Variants in TRIB3 observed in about 807,000 individuals in gnomAD.
TRIB3 encodes tribbles homolog 3.
TRIB3 carries 20 observed loss-of-function variants against 16.6 expected under a neutral mutation model. That is an observed-to-expected ratio of 1.20 (90% CI 0.85 to 1.75). The LOEUF (loss-of-function observed/expected upper bound fraction) is 1.75. Ranked by LOEUF, TRIB3 falls within the 40% of genes most tolerant of loss-of-function variation. The pLI is 0.00. For missense variants in TRIB3, 484 were observed against 488.9 expected (o/e 0.99, Z 0.10); for synonymous variants, 208 against 217.0 (o/e 0.96, Z 0.36).
In TRIB3 at chr20:380,978, G is replaced by GAGTAGCTCCGGTTTGCATCAC. The variant is rs1475836304; in HGVS notation, c.-192_-191insAGTAGCTCCGGTTTGCATCAC. 1 of 150,488 alleles carries GAGTAGCTCCGGTTTGCATCAC rather than the reference G, an allele frequency of 6.6e-6. No individual in the cohort carries two copies. The highest frequency in any genetic ancestry group is 1.5e-5 in the Non-Finnish European group (1 of 67,498). 9.3% of individuals were successfully genotyped at this position (150,488 alleles called of 1,614,324 possible). ...CCGGTTTGCATCACCCGGACCGGGG[G>GAGTAGCTCCGGTTTGCATCAC]CCGGGCGCGCACGAGACTCGCAGCG... On this transcript the variant is annotated 5_prime_UTR_variant, in exon 1 of 4. Coordinates refer to ENST00000217233, the MANE Select transcript of TRIB3 (RefSeq NM_021158.5).
At chr20:384,228 T>C (rs1237794414) in intron 1 of TRIB3, among the ~76,000 whole-genome samples, 1 of 152,180 alleles carries the variant, frequency 6.6e-6, no homozygotes, top group Non-Finnish European at 1.5e-5. Flanking sequence ...AGCATGATGT[T>C]CCCCTGCTGA....
chr20:389,902 T>G (rs1390919189), intron 2 of TRIB3, among the ~76,000 whole-genome samples: 3 of 152,226 alleles, frequency 2.0e-5, no homozygotes, highest in Non-Finnish European at 2.9e-5. Context: ...ACTTATTCAT[T>G]AATTCAACAC....
chr20:388,035 C>A lies in TRIB3; in HGVS notation c.25C>A (p.Pro9Thr), dbSNP rs756979282. ...GATGCGAGCCACCCCTCTGGCTGCTCCTGCGGGTTCCCTGTCCAGGAAGAA... is the reference window on the plus strand; with the variant it reads ...GATGCGAGCCACCCCTCTGGCTGCTACTGCGGGTTCCCTGTCCAGGAAGAA... MRATPLAA[P>T]AGSLSRKKRL... The change falls in exon 2 of 4, where the codon CCT (proline) becomes ACT (threonine). Residue 9 changes from proline to threonine, a missense_variant. Physicochemically the swap from Pro to Thr is conservative, Grantham distance 38. Coordinates refer to ENST00000217233, the MANE Select transcript of TRIB3 (RefSeq NM_021158.5). 1.9e-6 allele frequency: 3 copies of A among 1,613,902 alleles called. No individual in the cohort carries two copies.
At position 391,464 on chromosome 20, in the gene TRIB3, C is replaced by A. The variant is rs1224178031; in HGVS notation, c.469C>A (p.Pro157Thr). Residue 157 changes from proline to threonine, a missense_variant, in exon 3 of 4, where the codon CCT (proline) becomes ACT (threonine). Coordinates refer to ENST00000217233, the MANE Select transcript of TRIB3 (RefSeq NM_021158.5). The stretch of plus-strand genomic sequence containing the variant: ...GCGAAGCCGCCACCGTATCCCTGAG[C>A]CTGAGGCTGCCGTGCTCTTCCGCCA... ...LVRSRHRIPE[P>T]EAAVLFRQMA... 3.1e-6 allele frequency: 5 copies of A among 1,613,922 alleles called. No individual in the cohort carries two copies. Among genetic ancestry groups the A allele is most frequent in the Admixed American group, 3.3e-5 (2 of 60,022 alleles).
At chr20:392,025 A>G (rs2014994923) in intron 3 of TRIB3, among the ~76,000 whole-genome samples, 1 of 151,942 alleles carries the variant, frequency 6.6e-6, no homozygotes, top group Non-Finnish European at 1.5e-5. Context: ...CCATCTCAAA[A>G]AAAAAAAAAA....
At chr20:394,243 C>G (rs1025495390) in intron 3 of TRIB3, among the ~76,000 whole-genome samples, 3 of 152,096 alleles carry the variant, frequency 2.0e-5, no homozygotes, top group Non-Finnish European at 4.4e-5. Context: ...GTTGGCCAGG[C>G]TGGTCTCGAA....
intron 1 of TRIB3, among the ~76,000 whole-genome samples, chr20:383,160 G>T (rs2014708765): frequency 6.6e-6 from 1 of 152,136 alleles, no homozygotes; most frequent in African/African-American, 2.4e-5. Flanking sequence ...CTGCGTGAAT[G>T]GTGGCTTTCC....
chr20:396,373 A>G lies in TRIB3; in HGVS notation c.760A>G (p.Met254Val), dbSNP rs748102304. ...GAGCCTGGGCGTGGCGCTCTTCACCATGCTGGCCGGCCACTACCCCTTCCA... is the reference window on the plus strand; with the variant it reads ...GAGCCTGGGCGTGGCGCTCTTCACCGTGCTGGCCGGCCACTACCCCTTCCA... The part of the protein sequence containing the change: ...VWSLGVALFT[M>V]LAGHYPFQDS... Residue 254 changes from methionine to valine, a missense_variant, in exon 4 of 4, where the codon ATG becomes GTG. Coordinates refer to ENST00000217233, the MANE Select transcript of TRIB3 (RefSeq NM_021158.5). The G allele has an allele frequency of 3.1e-6, 5 of 1,613,476 alleles. No homozygotes were observed. The East Asian group carries it at 8.9e-5, about 29-fold the overall frequency.
intron 3 of TRIB3, among the ~76,000 whole-genome samples, chr20:392,314 T>C (rs575622906): frequency 6.6e-6 from 1 of 152,230 alleles, no homozygotes; most frequent in East Asian, 1.9e-4. Flanking sequence ...CTTAATTCAA[T>C]CTGAGCTTGA....
intron 1 of TRIB3, among the ~76,000 whole-genome samples, chr20:386,703 G>C (rs559821420): frequency 5.9e-5 from 9 of 152,262 alleles, no homozygotes; most frequent in Admixed American, 2.6e-4. Context: ...CTCCCAAGTA[G>C]CTGGGATTAC....
chr20:387,186 A>G (rs745693327), intron 1 of TRIB3, among the ~76,000 whole-genome samples: 1 of 152,124 alleles, frequency 6.6e-6, no homozygotes, highest in Non-Finnish European at 1.5e-5. Flanking sequence ...AGCCTAGGCA[A>G]TGTAGGGAGA....
rs375609488 is a variant in TRIB3 at position 396,490 on chromosome 20, C to T, written c.877C>T (p.Arg293Cys). The change falls in exon 4 of 4, where the codon CGC becomes TGC. Residue 293 changes from arginine to cysteine, a missense_variant. By Grantham distance (180) the Arg-to-Cys change is radical (BLOSUM62 -3). Coordinates refer to ENST00000217233, the MANE Select transcript of TRIB3 (RefSeq NM_021158.5). ...GLSAPARCLVRCLLRREPAER... is the reference protein window; with the variant it reads ...GLSAPARCLVCCLLRREPAER... ...CTCGGCCCCTGCCCGCTGTCTGGTT[C>T]GCTGCCTCCTTCGTCGGGAGCCAGC... 3.3e-5 allele frequency: 53 copies of T among 1,612,894 alleles called. No homozygotes were observed. The African/African-American group carries it at 4.3e-4, about 13-fold the overall frequency.
At chr20:383,758 T>A (rs1398346758) in intron 1 of TRIB3, among the ~76,000 whole-genome samples, 1 of 152,146 alleles carries the variant, frequency 6.6e-6, no homozygotes, top group Non-Finnish European at 1.5e-5. Context: ...ATTTTGATAT[T>A]GTCAAAATGC....
In TRIB3 at chr20:391,366, C is replaced by T. The variant is rs2122692681; in HGVS notation, c.371C>T (p.Thr124Ile). The change falls in exon 3 of 4, where the codon ACT (threonine) becomes ATT (isoleucine). Residue 124 changes from threonine to isoleucine, a missense_variant. Thr to Ile is a moderately conservative substitution (Grantham distance 89). Coordinates refer to ENST00000217233, the MANE Select transcript of TRIB3 (RefSeq NM_021158.5). ...CCGCACAAGCATGTGGCTCGGCCCA[C>T]TGAGGTCCTGGCTGGTACCCAGCTC... ...LPPHKHVARPTEVLAGTQLLY... is the reference protein window; with the variant it reads ...LPPHKHVARPIEVLAGTQLLY... The T allele has an allele frequency of 1.2e-6, 2 of 1,613,508 alleles. No individual in the cohort carries two copies. The highest frequency in any genetic ancestry group is 1.7e-6 in the Non-Finnish European group (2 of 1,180,020).
In TRIB3 at chr20:391,335, C is replaced by G; in HGVS notation, c.340C>G (p.Leu114Val). 9.3e-6 allele frequency: 15 copies of G among 1,613,358 alleles called. No individual in the cohort carries two copies. Among genetic ancestry groups the G allele is most frequent in the Non-Finnish European group, 1.3e-5 (15 of 1,180,012 alleles). Residue 114 changes from leucine to valine, a missense_variant, in exon 3 of 4, where the codon CTG (leucine) becomes GTG (valine). Transcript: ENST00000217233. The stretch of plus-strand genomic sequence containing the variant: ...GGCCGTGCTGGAGCCCTATGCGCGG[C>G]TGCCCCCGCACAAGCATGTGGCTCG... ...ALAVLEPYAR[L>V]PPHKHVARPT...
chr20:392,509 C>T (rs1367953186), intron 3 of TRIB3, among the ~76,000 whole-genome samples: 1 of 152,080 alleles, frequency 6.6e-6, no homozygotes, highest in Admixed American at 6.6e-5. Context: ...TGAGAATTAG[C>T]ACTTTTTGGT....
intron 1 of TRIB3, among the ~76,000 whole-genome samples, chr20:383,520 G>A (rs1360968624): frequency 6.6e-6 from 1 of 152,178 alleles, no homozygotes; most frequent in African/African-American, 2.4e-5. Context: ...ATGGCTCACT[G>A]AAGCCTTTAC....
chr20:394,811 G>A (rs2015081981), intron 3 of TRIB3, among the ~76,000 whole-genome samples: 1 of 150,612 alleles, frequency 6.6e-6, no homozygotes, highest in Non-Finnish European at 1.5e-5. Context: ...AAAAAAAAAA[G>A]AAAAATCACA....
Position 388,227 on chromosome 20 carries a change from C to A in TRIB3, c.217C>A (p.Leu73Ile), listed in dbSNP as rs1474478967. 1 of 1,613,844 alleles carries A rather than the reference C, an allele frequency of 6.2e-7. No individual in the cohort carries two copies. The highest frequency in any genetic ancestry group is 1.1e-5 in the South Asian group (1 of 91,088). ...ATASRLGPYV[L>I]LEPEEGGRAY... is the part of the protein sequence containing the mutation. ...TGCCTCCCGTCTTGGGCCCTATGTC[C>A]TCCTGGAGCCCGAGGAGGGCGGGCG... Residue 73 changes from leucine to isoleucine, a missense_variant, in exon 2 of 4, where the codon CTC becomes ATC. Leu to Ile is a conservative substitution (Grantham distance 5). Transcript: ENST00000217233.
Sources: allele counts gnomAD v4.1 joint callset (sites outside exome capture counted in the v4.1 genomes callset), GRCh38; gene constraint gnomAD v4.1.1; transcripts MANE v1.5; gene names NCBI Gene and HGNC (gene_info 2026-07-23, HGNC 2026-07-21).